The following HCN1 variants were observed in gnomAD, a reference collection of about 807,000 sequenced individuals.
The protein encoded by HCN1 is hyperpolarization activated cyclic nucleotide gated potassium channel 1.
A neutral mutation model predicts 78.9 loss-of-function variants in HCN1; 13 were observed. The ratio of observed to expected loss-of-function variants is 0.16; its 90% CI spans 0.11 to 0.26. HCN1 has a LOEUF of 0.26. Ranked by LOEUF, HCN1 falls within the 10% of genes least tolerant of loss-of-function variation. HCN1 has a pLI of 1.00. For synonymous variants in HCN1, 552 were observed against 455.5 expected (o/e 1.21, Z -2.70); for missense variants, 810 against 1,154.3 (o/e 0.70, Z 4.32).
chr5:45,281,185 C>T (rs543046417), intron 6 of HCN1, among the ~76,000 whole-genome samples: 1 of 152,204 alleles, frequency 6.6e-6, no homozygotes, highest in African/African-American at 2.4e-5. Flanking sequence ...ATGTAATCCT[C>T]AGTGTTGAAG....
intron 2 of HCN1, among the ~76,000 whole-genome samples, chr5:45,609,083 G>C (rs1472273965): frequency 6.6e-6 from 1 of 152,072 alleles, no homozygotes; most frequent in Admixed American, 6.6e-5. Flanking sequence ...TTATGTGTTT[G>C]AGAGGACATG....
intron 6 of HCN1, among the ~76,000 whole-genome samples, chr5:45,284,818 A>C (rs1280755740): frequency 2.0e-5 from 3 of 152,110 alleles, no homozygotes; most frequent in African/African-American, 7.2e-5. Flanking sequence ...ATTTGAAGTC[A>C]CAGTCATTAA....
In HCN1 at chr5:45,260,931, G is replaced by T. The variant is rs768421883; in HGVS notation, c.*990C>A. 5.2e-5 allele frequency: 8 copies of T among 152,490 alleles called. No individual in the cohort carries two copies. Among genetic ancestry groups the T allele is most frequent in the South Asian group, 2.1e-4 (1 of 4,826 alleles). 9.4% of individuals were successfully genotyped at this position (152,490 alleles called of 1,614,324 possible). A position where few individuals can be genotyped will look rare whatever the true frequency, so the allele number is the denominator to read the frequency against. Reference sequence around the variant, plus strand: ...AAGCATGCAGGGACTATTTTCAGATGCTTGATTATGGCAAGAAGAAAGAAA... The same window carrying T: ...AAGCATGCAGGGACTATTTTCAGATTCTTGATTATGGCAAGAAGAAAGAAA... On this transcript the variant is annotated 3_prime_UTR_variant, in exon 8 of 8. Transcript: ENST00000303230.
chr5:45,648,587 CCTT>C, intron 1 of HCN1, among the ~76,000 whole-genome samples: 1 of 152,084 alleles, frequency 6.6e-6, no homozygotes, highest in Non-Finnish European at 1.5e-5. Context: ...GTGCAATATA[CCTT>C]CTTTAAAAAA....
At chr5:45,520,125 G>C (rs1251148170) in intron 2 of HCN1, among the ~76,000 whole-genome samples, 3 of 151,934 alleles carry the variant, frequency 2.0e-5, no homozygotes, top group African/African-American at 7.2e-5. Flanking sequence ...TGCTTAGGTT[G>C]GTCCATTCTG....
intron 2 of HCN1, among the ~76,000 whole-genome samples, chr5:45,517,287 C>T (rs1376324259): frequency 6.6e-6 from 1 of 151,774 alleles, no homozygotes; most frequent in Non-Finnish European, 1.5e-5. Flanking sequence ...ATTCATACTA[C>T]TCCCTTATTT....
At chr5:45,290,523 G>C (rs1044469228) in intron 6 of HCN1, among the ~76,000 whole-genome samples, 3 of 152,000 alleles carry the variant, frequency 2.0e-5, no homozygotes, top group Admixed American at 6.6e-5. Context: ...TTAAGAATTT[G>C]TAGGGAAAAC....
At chr5:45,428,015 A>G (rs1740386524) in intron 3 of HCN1, among the ~76,000 whole-genome samples, 1 of 152,054 alleles carries the variant, frequency 6.6e-6, no homozygotes, top group Non-Finnish European at 1.5e-5. Flanking sequence ...GATGGTTCTT[A>G]AGTAAAATTC....
chr5:45,527,555 T>TTC (rs538941492), intron 2 of HCN1, among the ~76,000 whole-genome samples: 23 of 149,176 alleles, frequency 1.5e-4, no homozygotes, highest in Admixed American at 3.3e-4. Context: ...TTCTCTCTCT[T>TTC]TCTCTCTCTC....
chr5:45,526,178 T>C (rs1467526857), intron 2 of HCN1, among the ~76,000 whole-genome samples: 2 of 152,122 alleles, frequency 1.3e-5, no homozygotes, highest in Non-Finnish European at 2.9e-5. Context: ...ACATGTCGGC[T>C]AACTCAGTGA....
intron 1 of HCN1, among the ~76,000 whole-genome samples, chr5:45,690,868 G>T (rs972030364): frequency 2.6e-5 from 4 of 151,956 alleles, no homozygotes; most frequent in African/African-American, 9.7e-5. Flanking sequence ...ACTTACAAGA[G>T]ACTCTATTTG....
chr5:45,399,306 T>A (rs1739748537), intron 3 of HCN1, among the ~76,000 whole-genome samples: 1 of 150,730 alleles, frequency 6.6e-6, no homozygotes, highest in South Asian at 2.1e-4. Flanking sequence ...CTCCTGTGCC[T>A]ACAGGCCTGA....
At chr5:45,329,745 A>G (rs935048826) in intron 5 of HCN1, among the ~76,000 whole-genome samples, 8 of 151,572 alleles carry the variant, frequency 5.3e-5, no homozygotes, top group African/African-American at 1.2e-4. Context: ...TTAAATTTTC[A>G]TATTTCCACC....
At chr5:45,262,851 A>G (rs765993252) in intron 7 of HCN1, 41 bp from the exon 8 acceptor site, 1 of 1,607,542 alleles carries the variant, frequency 6.2e-7, no homozygotes, top group Non-Finnish European at 8.5e-7. Flanking sequence ...AAGCCTACCA[A>G]TGACTGATGA....
chr5:45,387,700 A>G (rs1027405534), intron 4 of HCN1, among the ~76,000 whole-genome samples: 6 of 152,072 alleles, frequency 3.9e-5, no homozygotes, highest in Non-Finnish European at 7.4e-5. Context: ...GTCATCTATC[A>G]ACTTACAGCA....
At chr5:45,264,161 T>G (rs1744808111) in intron 7 of HCN1, among the ~76,000 whole-genome samples, 3 of 152,206 alleles carry the variant, frequency 2.0e-5, no homozygotes, top group South Asian at 2.1e-4. Context: ...TCTGAATGGT[T>G]GTTGTGAGGA....
chr5:45,430,647 C>A (rs1229985006), intron 3 of HCN1, among the ~76,000 whole-genome samples: 1 of 151,950 alleles, frequency 6.6e-6, no homozygotes, highest in African/African-American at 2.4e-5. Flanking sequence ...TGTAGTATCC[C>A]ATGGTGTTTA....
At chr5:45,299,297 G>A (rs1341948731) in intron 6 of HCN1, among the ~76,000 whole-genome samples, 2 of 151,918 alleles carry the variant, frequency 1.3e-5, no homozygotes, top group African/African-American at 4.8e-5. Flanking sequence ...GTTTACATTG[G>A]AATTATCTGT....
chr5:45,325,996 G>A (rs963722893), intron 5 of HCN1, among the ~76,000 whole-genome samples: 3 of 151,220 alleles, frequency 2.0e-5, no homozygotes, highest in East Asian at 3.9e-4. Flanking sequence ...AAAAAAAGGA[G>A]GGCTGATGAA....
Sources: gnomAD v4.1 joint callset for allele counts (sites outside exome capture counted in the v4.1 genomes callset) on GRCh38, gnomAD v4.1.1 for gene constraint, MANE v1.5 for transcripts, NCBI Gene and HGNC (gene_info 2026-07-23, HGNC 2026-07-21) for gene names.